ANKRD17: variants seen among roughly 807,000 people sequenced by gnomAD.
ANKRD17 encodes ankyrin repeat domain 17.
ANKRD17 carries 19 observed loss-of-function variants against 229.7 expected under a neutral mutation model. The observed-to-expected ratio is 0.08, with a 90% CI of 0.06 to 0.12. The LOEUF is 0.12. ANKRD17 is among the 10% of genes least tolerant of loss of function. The pLI is 1.00. For synonymous variants in ANKRD17, 1,112 were observed against 1,146.1 expected (o/e 0.97, Z 0.60); for missense variants, 2,176 against 3,176.8 (o/e 0.68, Z 7.57).
At chr4:73,098,837 T>C (rs1225241260) in intron 25 of ANKRD17, 3 of 1,527,996 alleles carry the variant, frequency 2.0e-6, no homozygotes, top group African/African-American at 1.4e-5. Flanking sequence ...TGAGTCGAGC[T>C]TGAAGTCCAG....
intron 1 of ANKRD17, among the ~76,000 whole-genome samples, chr4:73,183,358 G>A (rs192276507): frequency 4.6e-5 from 7 of 152,254 alleles, no homozygotes; most frequent in Non-Finnish European, 4.4e-5. Context: ...GAATAGTGTC[G>A]GAAATTTGTC....
intron 2 of ANKRD17, among the ~76,000 whole-genome samples, chr4:73,175,187 C>T (rs924922205): frequency 3.3e-5 from 5 of 152,240 alleles, no homozygotes; most frequent in Admixed American, 6.5e-5. Flanking sequence ...AGGAAACTTA[C>T]AATCATGGCA....
At position 73,120,926 on chromosome 4, in the gene ANKRD17, A is replaced by G. The variant is rs1726646129; in HGVS notation, c.3804T>C (p.Val1268=). 1 of 1,613,536 alleles carries G rather than the reference A, an allele frequency of 6.2e-7. No individual in the cohort carries two copies. The highest frequency in any genetic ancestry group is 1.3e-5 in the African/African-American group (1 of 74,794). The change falls in exon 20 of 34, where the codon GTT becomes GTC. Residue 1268 remains valine (V), a synonymous_variant. Coordinates refer to ENST00000358602, the MANE Select transcript of ANKRD17 (RefSeq NM_032217.5). ...TTGCTTTTCTATCAAGCAGAAGACT[A>G]ACCACTTCAGTTCTTCCTTGGAAGC... ...LACFQGRTEV[V]SLLLDRKANV...
intron 1 of ANKRD17, among the ~76,000 whole-genome samples, chr4:73,253,638 T>C (rs946589565): frequency 2.0e-5 from 3 of 152,246 alleles, no homozygotes; most frequent in Admixed American, 1.3e-4. Context: ...TCCATACTTT[T>C]AACCTTTACC....
At chr4:73,133,325 C>T (rs937623966) in intron 16 of ANKRD17, among the ~76,000 whole-genome samples, 3 of 151,404 alleles carry the variant, frequency 2.0e-5, no homozygotes, top group Non-Finnish European at 2.9e-5. Context: ...CAAGTTCAAA[C>T]CAATTCTACA....
chr4:73,179,426 ATATG>A lies in ANKRD17; in HGVS notation c.394-1897_394-1894del, dbSNP rs1258655909. On this transcript the variant is annotated intron_variant, in intron 1 of 33. Transcript: ENST00000358602. ...AAATTATATATATATGTGTGTGCATATATGTGTGTGTGTATATATATCTGTGTAT... is the reference window on the plus strand; with the variant it reads ...AAATTATATATATATGTGTGTGCATATGTGTGTGTATATATATCTGTGTAT... Among the ~76,000 whole-genome samples, 7 of 142,080 alleles carry A rather than the reference ATATG, an allele frequency of 4.9e-5. No homozygotes were observed. In the East Asian group the frequency reaches 6.1e-4, roughly 12 times the overall value. 93.2% of individuals were successfully genotyped at this position (142,080 alleles called of 152,430 possible). A position where few individuals can be genotyped will look rare whatever the true frequency, so the allele number is the denominator to read the frequency against.
At chr4:73,099,020 A>T (rs1723628532) in intron 25 of ANKRD17, 9 of 988,222 alleles carry the variant, frequency 9.1e-6, no homozygotes, top group Non-Finnish European at 1.5e-5. Context: ...AAGCAAAAAC[A>T]AGGGAGCTGC....
At chr4:73,226,386 TCTG>T (rs1351580342) in intron 1 of ANKRD17, among the ~76,000 whole-genome samples, 2 of 143,900 alleles carry the variant, frequency 1.4e-5, no homozygotes, top group African/African-American at 2.5e-5. Flanking sequence ...TTTCTTTTCT[TCTG>T]TTTTTTTTTT....
intron 25 of ANKRD17, among the ~76,000 whole-genome samples, chr4:73,101,463 G>GA (rs1394804227): frequency 6.6e-6 from 1 of 152,022 alleles, no homozygotes; most frequent in Non-Finnish European, 1.5e-5. Context: ...TCAGGAGTTA[G>GA]AGGCTAGCCT....
intron 24 of ANKRD17, 27 bp from the exon 25 acceptor site, chr4:73,102,574 A>G (rs991957416): frequency 1.3e-6 from 2 of 1,579,778 alleles, no homozygotes; most frequent in East Asian, 2.2e-5. Flanking sequence ...AAGCAGAAAT[A>G]TAACGTTGAA....
chr4:73,100,192 C>T (rs560864956), intron 25 of ANKRD17, among the ~76,000 whole-genome samples: 1 of 152,322 alleles, frequency 6.6e-6, no homozygotes, highest in South Asian at 2.1e-4. Flanking sequence ...TCATTGCCTC[C>T]TGTTCTGGCC....
At chr4:73,256,609 C>T (rs1578542615) in intron 1 of ANKRD17, among the ~76,000 whole-genome samples, 1 of 152,252 alleles carries the variant, frequency 6.6e-6, no homozygotes. Context: ...TGTTTTCCTC[C>T]TTTTTAAAAT....
At chr4:73,095,248 A>G (rs555932846) in intron 27 of ANKRD17, among the ~76,000 whole-genome samples, 10 of 152,240 alleles carry the variant, frequency 6.6e-5, no homozygotes, top group African/African-American at 1.2e-4. Flanking sequence ...ACAAATATGA[A>G]AACTTTCTAA....
chr4:73,231,061 C>G (rs1232962831), intron 1 of ANKRD17, among the ~76,000 whole-genome samples: 1 of 152,118 alleles, frequency 6.6e-6, no homozygotes, highest in Admixed American at 6.5e-5. Flanking sequence ...ATTGATGATA[C>G]AGCACTTTCA....
rs1203366910 is a variant in ANKRD17, at chr4:73,191,339, A to ATGTGTGTGTGTGTGTGTG, written c.394-13807_394-13806insCACACACACACACACACA. On this transcript the variant is annotated intron_variant, in intron 1 of 33. Coordinates refer to ENST00000358602, the MANE Select transcript of ANKRD17 (RefSeq NM_032217.5). ...AAAATAGGCCCCTACCAAAAAATATATATGTGTGTGTGTGTGTGTGTGTGT... is the reference window on the plus strand; with the variant it reads ...AAAATAGGCCCCTACCAAAAAATATATGTGTGTGTGTGTGTGTGTATGTGTGTGTGTGTGTGTGTGTGT... 8.3e-3 allele frequency among the ~76,000 whole-genome samples: 503 copies of ATGTGTGTGTGTGTGTGTG among 60,744 alleles called. 2 individuals carry two copies. Among genetic ancestry groups the ATGTGTGTGTGTGTGTGTG allele is most frequent in the African/African-American group, 0.014 (283 of 19,660 alleles). 39.9% of individuals were successfully genotyped at this position (60,744 alleles called of 152,430 possible).
chr4:73,233,843 C>A (rs894705054), intron 1 of ANKRD17, among the ~76,000 whole-genome samples: 6 of 152,162 alleles, frequency 3.9e-5, no homozygotes, highest in Non-Finnish European at 7.4e-5. Context: ...TTCAACACAG[C>A]TGCTAAGAAC....
intron 1 of ANKRD17, among the ~76,000 whole-genome samples, chr4:73,217,893 A>G (rs1741295799): frequency 6.6e-6 from 1 of 152,202 alleles, no homozygotes; most frequent in African/African-American, 2.4e-5. Flanking sequence ...ATATTCCAAA[A>G]CCTGAAAAAA....
At chr4:73,078,456 T>A (rs911019740) in intron 31 of ANKRD17, among the ~76,000 whole-genome samples, 186 bp downstream of exon 31, 1 of 152,042 alleles carries the variant, frequency 6.6e-6, no homozygotes. Flanking sequence ...GAGAATCGCT[T>A]GAACCGGGGA....
chr4:73,121,137 T>C (rs753943405), intron 19 of ANKRD17, 43 bp from the exon 20 acceptor site: 4 of 1,503,156 alleles, frequency 2.7e-6, no homozygotes, highest in Non-Finnish European at 2.8e-6. Context: ...AAAATATATA[T>C]TTTAAATGAC....
Sources: allele counts gnomAD v4.1 joint callset (sites outside exome capture counted in the v4.1 genomes callset), GRCh38; gene constraint gnomAD v4.1.1; transcripts MANE v1.5; gene names NCBI Gene and HGNC (gene_info 2026-07-23, HGNC 2026-07-21).